Variants in COG5 observed in about 807,000 individuals in gnomAD.
COG5 encodes component of oligomeric golgi complex 5.
Under a neutral mutation model 110.4 loss-of-function variants are expected in COG5, and 86 were observed. The observed-to-expected ratio is 0.78, with a 90% confidence interval of 0.65 to 0.93. COG5 has a LOEUF of 0.93. Ranked by LOEUF, COG5 falls within the 40% of genes least tolerant of loss-of-function variation. The pLI, the probability that COG5 is intolerant of heterozygous loss-of-function variation, is 0.00. For synonymous variants in COG5, 360 were observed against 334.6 expected, an observed-to-expected ratio of 1.08 and a Z score of -0.83; for missense variants, 1,077 against 987.0, an observed-to-expected ratio of 1.09 and a Z score of -1.22.
In COG5 at chr7:107,256,737, G is replaced by C. The variant is rs755707922; in HGVS notation, c.1744C>G (p.Leu582Val). ...LAAEQTIISA[L>V]KAIHALMENA... ...CAAAGATTAAATTCTTTTACCTTTA[G>C]AGCTGAAATTATAGTTTGCTCAGCT... Residue 582 changes from leucine to valine, a missense_variant, in exon 16 of 22, where the codon CTA becomes GTA. Transcript: ENST00000297135. 4 of 1,606,614 alleles carry C rather than the reference G, an allele frequency of 2.5e-6. No homozygotes were observed. Among genetic ancestry groups the C allele is most frequent in the African/African-American group, 2.7e-5 (2 of 74,720 alleles).
intron 10 of COG5, among the ~76,000 whole-genome samples, chr7:107,337,060 C>T (rs1221802078): frequency 6.6e-6 from 1 of 152,106 alleles, no homozygotes; most frequent in Non-Finnish European, 1.5e-5. Context: ...GTCAACATCA[C>T]TAATCATCAG....
At position 107,525,238 on chromosome 7, in the gene COG5, GT is replaced by G. The variant is rs926090196; in HGVS notation, c.538+1998del. Among the ~76,000 whole-genome samples, 858 of 142,284 alleles carry G rather than the reference GT, an allele frequency of 6.0e-3. 7 individuals carry two copies. Among genetic ancestry groups the G allele is most frequent in the African/African-American group, 0.02 (798 of 39,022 alleles). The allele number at this position is 142,284 out of a possible 152,430, so 93.3% of individuals were successfully genotyped here. A position where few individuals can be genotyped will look rare whatever the true frequency, so the allele number is the denominator to read the frequency against. On this transcript the variant is annotated intron_variant, in intron 6 of 21. Coordinates refer to ENST00000297135, the MANE Select transcript of COG5 (RefSeq NM_006348.5). The stretch of plus-strand genomic sequence containing the variant: ...ACCATGCCCGGCTGTGCCTGTTTTT[GT>G]TTTTTTTTTTCGAAGACATGACCAT...
intron 5 of COG5, among the ~76,000 whole-genome samples, chr7:107,537,417 G>A (rs943633204): frequency 6.6e-6 from 1 of 152,100 alleles, no homozygotes; most frequent in Non-Finnish European, 1.5e-5. Context: ...CCATAAAAAA[G>A]AATGAGCTCA....
Position 107,283,720 on chromosome 7 carries a change from A to T in COG5, c.1326T>A (p.Ala442=), listed in dbSNP as rs372046684. The change falls in exon 13 of 22, where the codon GCT becomes GCA. Residue 442 remains alanine (A), a synonymous_variant. Transcript: ENST00000297135. ...PKKPDYDPEK[A]LKDSLQPYEA... ...CATAGGGTTGTAGTGAGTCTTTCAAAGCCTTTTCTGGACTGTGGAAACAAA... is the reference window on the plus strand; with the variant it reads ...CATAGGGTTGTAGTGAGTCTTTCAATGCCTTTTCTGGACTGTGGAAACAAA... The T allele has an allele frequency of 1.2e-6, 2 of 1,614,008 alleles. No individual in the cohort carries two copies. Among genetic ancestry groups the T allele is most frequent in the Non-Finnish European group, 1.7e-6 (2 of 1,179,906 alleles).
At chr7:107,402,201 CA>C in intron 7 of COG5, among the ~76,000 whole-genome samples, 1 of 152,230 alleles carries the variant, frequency 6.6e-6, no homozygotes, top group East Asian at 1.9e-4. Flanking sequence ...AGTTGATAAG[CA>C]CCAGGACCCT....
chr7:107,490,361 G>A (rs1258592351), intron 6 of COG5, among the ~76,000 whole-genome samples: 1 of 152,086 alleles, frequency 6.6e-6, no homozygotes, highest in Non-Finnish European at 1.5e-5. Flanking sequence ...AATCTTTACA[G>A]TAATACTTCA....
chr7:107,537,788 A>C (rs1193257004), intron 5 of COG5, among the ~76,000 whole-genome samples: 1 of 152,138 alleles, frequency 6.6e-6, no homozygotes, highest in Non-Finnish European at 1.5e-5. Context: ...TTGAATAGAC[A>C]TGTCTCCAAG....
intron 6 of COG5, among the ~76,000 whole-genome samples, chr7:107,423,512 A>C (rs1431110463): frequency 1.3e-5 from 2 of 152,212 alleles, no homozygotes; most frequent in Non-Finnish European, 2.9e-5. Flanking sequence ...TGAAAAAAGA[A>C]ATCAATTCTA....
chr7:107,280,026 T>A (rs1406139706), intron 14 of COG5, among the ~76,000 whole-genome samples: 1 of 152,112 alleles, frequency 6.6e-6, no homozygotes, highest in African/African-American at 2.4e-5. Flanking sequence ...TTTCTTACAG[T>A]GTTATCTTCA....
chr7:107,441,882 G>T (rs1470400656), intron 6 of COG5, among the ~76,000 whole-genome samples: 1 of 152,156 alleles, frequency 6.6e-6, no homozygotes, highest in Non-Finnish European at 1.5e-5. Context: ...TTTTAAAATA[G>T]AAATATTCTT....
intron 6 of COG5, among the ~76,000 whole-genome samples, chr7:107,442,132 T>G (rs945664213): frequency 6.6e-6 from 1 of 152,172 alleles, no homozygotes; most frequent in Admixed American, 6.5e-5. Flanking sequence ...CTGGATCATG[T>G]TGGCAGACAT....
chr7:107,533,756 A>G (rs1458602082), intron 5 of COG5, among the ~76,000 whole-genome samples: 1 of 151,714 alleles, frequency 6.6e-6, no homozygotes, highest in Non-Finnish European at 1.5e-5. Flanking sequence ...GATATTATCC[A>G]GGAGAACTTC....
intron 6 of COG5, among the ~76,000 whole-genome samples, chr7:107,427,720 TCAGCCTGTGGCTGGGCTGGGATTGCCC>T (rs1793743965): frequency 6.6e-6 from 1 of 152,014 alleles, no homozygotes; most frequent in Non-Finnish European, 1.5e-5. Flanking sequence ...GTGCACCAGC[TCAGCCTGTGGCTGGGCTGGGATTGCCC>T]CAGCCCACCC....
rs149415020 is a variant in COG5, at chr7:107,252,269, C to T, written c.1750-3770G>A. On this transcript the variant is annotated intron_variant, in intron 16 of 21. Transcript: ENST00000297135. ...CCACAAAAGGATAGTAAGTATTACA[C>T]AGATTATTCTGACAAATTAGATAAC... Among the ~76,000 whole-genome samples, 6 of 152,204 alleles carry T rather than the reference C, an allele frequency of 3.9e-5. No individual in the cohort carries two copies. In the East Asian group the frequency reaches 9.7e-4, roughly 25 times the overall value.
At chr7:107,522,578 C>G (rs767531135) in intron 6 of COG5, among the ~76,000 whole-genome samples, 1 of 150,902 alleles carries the variant, frequency 6.6e-6, no homozygotes, top group Admixed American at 6.6e-5. Flanking sequence ...ACATGTATCC[C>G]GGAACTTAAA....
At chr7:107,489,469 T>G (rs1477118564) in intron 6 of COG5, among the ~76,000 whole-genome samples, 1 of 152,184 alleles carries the variant, frequency 6.6e-6, no homozygotes, top group African/African-American at 2.4e-5. Context: ...CAAATTTTAC[T>G]GAAGTTCTAA....
chr7:107,523,871 T>G (rs1485331294), intron 6 of COG5, among the ~76,000 whole-genome samples: 1 of 152,046 alleles, frequency 6.6e-6, no homozygotes, highest in African/African-American at 2.4e-5. Flanking sequence ...AAAATAATCT[T>G]GGCAATTTTT....
At position 107,500,955 on chromosome 7, in the gene COG5, A is replaced by T. The variant is rs543040944; in HGVS notation, c.538+26282T>A. On this transcript the variant is annotated intron_variant, in intron 6 of 21. Coordinates refer to ENST00000297135, the MANE Select transcript of COG5 (RefSeq NM_006348.5). ...TTCAACCATTCTAACAGCCTTTAGC[A>T]ATCTTAATTTGCCATATTTACCAAA... 2.0e-5 allele frequency among the ~76,000 whole-genome samples: 3 copies of T among 152,270 alleles called. No individual in the cohort carries two copies. In the South Asian group the frequency reaches 6.2e-4, roughly 32 times the overall value.
intron 10 of COG5, among the ~76,000 whole-genome samples, chr7:107,332,236 G>A (rs915000079): frequency 6.6e-6 from 1 of 152,294 alleles, no homozygotes; most frequent in Middle Eastern, 3.4e-3. Flanking sequence ...TAGCCTGTGC[G>A]AGCTTTTCCA....
Sources: allele counts gnomAD v4.1 joint callset (sites outside exome capture counted in the v4.1 genomes callset), GRCh38; gene constraint gnomAD v4.1.1; transcripts MANE v1.5; gene names NCBI Gene and HGNC (gene_info 2026-07-23, HGNC 2026-07-21).